The following SLCO1B1 variants were observed in gnomAD, a reference collection of about 807,000 sequenced individuals.
SLCO1B1 encodes the protein solute carrier organic anion transporter family member 1B1.
A neutral mutation model predicts 70.1 loss-of-function variants in SLCO1B1; 81 were observed. The ratio of observed to expected loss-of-function variants is 1.16; its 90% CI spans 0.97 to 1.39. The LOEUF (loss-of-function observed/expected upper bound fraction) is 1.39. Ranked by LOEUF, SLCO1B1 falls within the 40% of genes most tolerant of loss-of-function variation. The pLI, the probability that SLCO1B1 is intolerant of heterozygous loss-of-function variation, is 0.00. For missense variants in SLCO1B1, 895 were observed against 799.6 expected, an observed-to-expected ratio of 1.12 and a Z score of -1.44; for synonymous variants, 283 against 271.5, an observed-to-expected ratio of 1.04 and a Z score of -0.42.
At chr12:21,210,543 T>C (rs11513414) in intron 11 of SLCO1B1, among the ~76,000 whole-genome samples, 33,979 of 95,216 alleles carry the variant, frequency 0.36, 7,772 homozygotes, top group East Asian at 0.64. Flanking sequence ...CTTGGCGATG[T>C]GGGCTCTTTT....
intron 5 of SLCO1B1, among the ~76,000 whole-genome samples, chr12:21,177,218 C>A (rs1403063823): frequency 6.6e-6 from 1 of 152,092 alleles, no homozygotes; most frequent in Admixed American, 6.6e-5. Context: ...AATTTGAGAA[C>A]ACACAGGCAG....
rs763902580 is a variant in SLCO1B1, at chr12:21,200,545, C to CCT, written c.1009_1010dup (p.Tyr338CysfsTer8). The CCT allele has an allele frequency of 3.8e-6, 6 of 1,599,016 alleles. No homozygotes were observed. Among genetic ancestry groups the CCT allele is most frequent in the Non-Finnish European group, 5.1e-6 (6 of 1,171,198 alleles). ...CTTTTAAAAGCATCCTTACTAATCC[C>CCT]CTGTATGTTATGTTTGTGCTTTTGA... On this transcript the variant is annotated frameshift_variant, in exon 9 of 15. Coordinates refer to ENST00000256958, the MANE Select transcript of SLCO1B1 (RefSeq NM_006446.5). LOFTEE classifies it high-confidence loss of function.
At position 21,217,168 on chromosome 12, in the gene SLCO1B1, A is replaced by G. The variant is rs988555731; in HGVS notation, c.1547A>G (p.Asn516Ser). Residue 516 changes from asparagine to serine, a missense_variant, in exon 12 of 15, where the codon AAT becomes AGT. By Grantham distance (46) the Asn-to-Ser change is conservative (BLOSUM62 1). Coordinates refer to ENST00000256958, the MANE Select transcript of SLCO1B1 (RefSeq NM_006446.5). ...GAAGTAACTGGTCTCCAGAACAGAA[A>G]TTACTCAGCCCATTTGGGTGAATGC... is the stretch of plus-strand genomic sequence containing the variant. ...CLEVTGLQNR[N>S]YSAHLGECPR... 6.2e-7 allele frequency: 1 copy of G among 1,613,790 alleles called. No individual in the cohort carries two copies. The highest frequency in any genetic ancestry group is 1.3e-5 in the African/African-American group (1 of 75,048).
intron 14 of SLCO1B1, among the ~76,000 whole-genome samples, chr12:21,233,575 A>AAAC: frequency 6.8e-6 from 1 of 147,690 alleles, no homozygotes; most frequent in African/African-American, 2.5e-5. Flanking sequence ...AACAAACAAA[A>AAAC]AAAAAAAAAC....
intron 1 of SLCO1B1, among the ~76,000 whole-genome samples, chr12:21,138,139 A>G (rs1215877508): frequency 6.6e-6 from 1 of 152,238 alleles, no homozygotes; most frequent in Non-Finnish European, 1.5e-5. Context: ...CTAAGAAGTT[A>G]GCAAATGCTG....
At chr12:21,201,044 C>G (rs76945189) in intron 9 of SLCO1B1, among the ~76,000 whole-genome samples, 2,522 of 151,994 alleles carry the variant, frequency 0.017, 67 homozygotes, top group African/African-American at 0.058. Flanking sequence ...CAGTTACTTA[C>G]AAAAATATGA....
At chr12:21,191,006 T>C (rs1941023757) in intron 7 of SLCO1B1, among the ~76,000 whole-genome samples, 2 of 152,126 alleles carry the variant, frequency 1.3e-5, no homozygotes, top group South Asian at 4.1e-4. Context: ...GGTCTATATT[T>C]CTGTCTTTAT....
intron 2 of SLCO1B1, among the ~76,000 whole-genome samples, chr12:21,164,231 T>A (rs1369414356): frequency 6.6e-6 from 1 of 152,184 alleles, no homozygotes; most frequent in African/African-American, 2.4e-5. Flanking sequence ...TACTGGGTAC[T>A]TGTTTATTTT....
At chr12:21,223,296 T>C (rs1941448756) in intron 13 of SLCO1B1, among the ~76,000 whole-genome samples, 1 of 152,192 alleles carries the variant, frequency 6.6e-6, no homozygotes, top group Admixed American at 6.5e-5. Flanking sequence ...ACACATTTAG[T>C]ACAAAACTTT....
At chr12:21,149,767 T>A (rs554699779) in intron 2 of SLCO1B1, among the ~76,000 whole-genome samples, 2 of 152,114 alleles carry the variant, frequency 1.3e-5, no homozygotes, top group South Asian at 4.1e-4. Flanking sequence ...AGCACAAAAC[T>A]GGGTGGCTGT....
intron 2 of SLCO1B1, among the ~76,000 whole-genome samples, chr12:21,151,773 G>A (rs186604966): frequency 6.6e-6 from 1 of 151,958 alleles, no homozygotes; most frequent in Non-Finnish European, 1.5e-5. Context: ...AAATACACAG[G>A]GTATGGGGAA....
At chr12:21,211,355 G>T (rs11045864) in intron 11 of SLCO1B1, among the ~76,000 whole-genome samples, 26,868 of 151,298 alleles carry the variant, frequency 0.18, 1,637 homozygotes, top group East Asian at 0.41. Context: ...TTATATGCTG[G>T]ATTACATTTA....
Position 21,141,621 on chromosome 12 carries a change from C to T in SLCO1B1, c.47C>T (p.Ser16Leu), listed in dbSNP as rs753618172. The change falls in exon 2 of 15, where the codon TCA (serine) becomes TTA (leucine). Residue 16 changes from serine to leucine, a missense_variant. Coordinates refer to ENST00000256958, the MANE Select transcript of SLCO1B1 (RefSeq NM_006446.5). The part of the protein sequence containing the change: ...HLNKTAEAQP[S>L]ENKKTRYCNG... ...AATAAAACAGCAGAGGCACAACCTT[C>T]AGAGAATAAGAAAACAAGATACTGC... The T allele has an allele frequency of 1.2e-6, 2 of 1,608,600 alleles. No individual in the cohort carries two copies. Among genetic ancestry groups the T allele is most frequent in the Admixed American group, 1.7e-5 (1 of 59,838 alleles).
chr12:21,135,735 T>A (rs964206554), intron 1 of SLCO1B1, among the ~76,000 whole-genome samples: 1 of 152,282 alleles, frequency 6.6e-6, no homozygotes, highest in South Asian at 2.1e-4. Context: ...TGTCTCTGCA[T>A]GTGAGATGGA....
rs915993362 is a variant in SLCO1B1, at chr12:21,206,045, T to C, written c.1497+12T>C. On this transcript the variant is annotated intron_variant, in intron 11 of 14. Transcript: ENST00000256958. ...ATAAAAAGCCTATAGTGAGTATTAG[T>C]TTTTACTTTCCTCTCCTTATTCAAA... 8.1e-6 allele frequency: 13 copies of C among 1,606,216 alleles called. No individual in the cohort carries two copies. The highest frequency in any genetic ancestry group is 1.0e-5 in the Non-Finnish European group (12 of 1,173,598).
chr12:21,220,927 T>A (rs1177864632), intron 12 of SLCO1B1, among the ~76,000 whole-genome samples: 15 of 152,066 alleles, frequency 9.9e-5, no homozygotes, highest in Admixed American at 9.8e-4. Flanking sequence ...AAGAAAAATT[T>A]TATAACATGA....
intron 2 of SLCO1B1, among the ~76,000 whole-genome samples, chr12:21,145,976 A>G (rs963848772): frequency 1.3e-5 from 2 of 152,138 alleles, no homozygotes; most frequent in Non-Finnish European, 2.9e-5. Context: ...TGAGATAGGA[A>G]GTATTTTTTT....
At chr12:21,196,858 G>A (rs1941097798) in intron 7 of SLCO1B1, 88 bp from the exon 8 acceptor site, 3 of 1,315,438 alleles carry the variant, frequency 2.3e-6, no homozygotes, top group African/African-American at 3.0e-5. Flanking sequence ...TTGAGGAAAT[G>A]TAGTTTACTT....
intron 14 of SLCO1B1, among the ~76,000 whole-genome samples, chr12:21,227,458 T>C (rs1415664982): frequency 1.3e-5 from 2 of 152,244 alleles, no homozygotes. Flanking sequence ...TCTCTTCCAT[T>C]TAATGTGTAA....
Sources: gnomAD v4.1 joint callset for allele counts (sites outside exome capture counted in the v4.1 genomes callset) on GRCh38, gnomAD v4.1.1 for gene constraint, MANE v1.5 for transcripts, NCBI Gene and HGNC (gene_info 2026-07-23, HGNC 2026-07-21) for gene names.